GOLIM4: variants seen among roughly 807,000 people sequenced by gnomAD.
The protein encoded by GOLIM4 is golgi integral membrane protein 4.
A neutral mutation model predicts 107.4 loss-of-function variants in GOLIM4; 71 were observed. That is an observed-to-expected ratio of 0.66 (90% confidence interval 0.55 to 0.81). GOLIM4 has a LOEUF of 0.81. Among genes scored for constraint, GOLIM4 ranks in the 30% least tolerant of loss-of-function variants. The probability of loss-of-function intolerance (pLI) is 0.00; values close to 1 mark genes in which losing one functional copy is unlikely to be tolerated. For synonymous variants in GOLIM4, 327 were observed against 294.8 expected, an observed-to-expected ratio of 1.11 and a Z score of -1.12; for missense variants, 830 against 826.1, an observed-to-expected ratio of 1.00 and a Z score of -0.06.
chr3:168,020,759 T>G (rs572020237), intron 14 of GOLIM4, among the ~76,000 whole-genome samples: 10 of 152,334 alleles, frequency 6.6e-5, no homozygotes, highest in Non-Finnish European at 1.3e-4. Context: ...ACATTATTAT[T>G]CTAGTAATAT....
intron 1 of GOLIM4, among the ~76,000 whole-genome samples, chr3:168,052,969 T>C (rs1719738724): frequency 6.6e-6 from 1 of 152,186 alleles, no homozygotes; most frequent in South Asian, 2.1e-4. Context: ...GAATAGGATT[T>C]GAATCCAAGA....
intron 8 of GOLIM4, among the ~76,000 whole-genome samples, chr3:168,034,085 A>G (rs1028741274): frequency 6.6e-6 from 1 of 152,228 alleles, no homozygotes; most frequent in Admixed American, 6.5e-5. Context: ...GAGAAATTGG[A>G]CTGTATTAAT....
chr3:168,065,913 T>C (rs1338245135), intron 1 of GOLIM4, among the ~76,000 whole-genome samples: 1 of 152,228 alleles, frequency 6.6e-6, no homozygotes, highest in Non-Finnish European at 1.5e-5. Flanking sequence ...AAAGAGCTTA[T>C]CAACTGATTT....
chr3:168,027,706 G>A (rs748941813), intron 12 of GOLIM4, 22 bp downstream of exon 12: 13 of 1,369,468 alleles, frequency 9.5e-6, no homozygotes, highest in Admixed American at 3.4e-5. Flanking sequence ...CATGTGTCAG[G>A]GGCAGAAGAG....
intron 1 of GOLIM4, among the ~76,000 whole-genome samples, chr3:168,090,218 G>A (rs111291162): frequency 3.0e-4 from 46 of 151,976 alleles, no homozygotes; most frequent in African/African-American, 1.0e-3. Flanking sequence ...TCTGCACACC[G>A]AAAGAAACAA....
intron 14 of GOLIM4, among the ~76,000 whole-genome samples, chr3:168,011,098 A>T (rs1247907672): frequency 2.6e-5 from 4 of 152,170 alleles, no homozygotes; most frequent in Non-Finnish European, 5.9e-5. Context: ...AGCGACGCAG[A>T]AGACAGTGAT....
At chr3:168,079,872 G>T (rs1249320854) in intron 1 of GOLIM4, among the ~76,000 whole-genome samples, 2 of 151,946 alleles carry the variant, frequency 1.3e-5, no homozygotes, top group Non-Finnish European at 2.9e-5. Flanking sequence ...TGAACATGCT[G>T]AAATTGTTTT....
At chr3:168,035,037 C>CAAAAAAAAAAAAAAAAAAAAAAAAAAA (rs796736692) in intron 8 of GOLIM4, among the ~76,000 whole-genome samples, 1 of 66,582 alleles carries the variant, frequency 1.5e-5, no homozygotes. Context: ...AACAATCATA[C>CAAAAAAAAAAAAAAAAAAAAAAAAAAA]AAAAAAAAAA....
At chr3:168,084,116 T>C (rs889124831) in intron 1 of GOLIM4, among the ~76,000 whole-genome samples, 2 of 152,232 alleles carry the variant, frequency 1.3e-5, no homozygotes, top group South Asian at 4.2e-4. Flanking sequence ...GTTCTCATGA[T>C]AGTGACTGAG....
chr3:168,022,623 A>G lies in GOLIM4; in HGVS notation c.1860+1903T>C, dbSNP rs1044472937. ...GGAAGATGCAAACATTAATCATCTC[A>G]TAACCACACACAAAAATACAACACA... On this transcript the variant is annotated intron_variant, in intron 14 of 15. Transcript: ENST00000470487. Among the ~76,000 whole-genome samples, 7 of 152,144 alleles carry G rather than the reference A, an allele frequency of 4.6e-5. No homozygotes were observed. In the East Asian group the frequency reaches 1.2e-3, roughly 25 times the overall value.
At chr3:168,031,050 A>G (rs973787576) in intron 9 of GOLIM4, among the ~76,000 whole-genome samples, 7 of 152,250 alleles carry the variant, frequency 4.6e-5, no homozygotes, top group Non-Finnish European at 7.3e-5. Flanking sequence ...ACGCAGTGAC[A>G]TGGATGGAAC....
intron 5 of GOLIM4, 142 bp from the exon 6 acceptor site, chr3:168,041,616 A>G (rs1719008527): frequency 1.8e-6 from 1 of 556,386 alleles, no homozygotes; most frequent in Non-Finnish European, 3.1e-6. Context: ...AAATCAACAA[A>G]AATGATATTG....
Position 168,032,729 on chromosome 3 carries a change from GT to G in GOLIM4, c.966del (p.Gln322HisfsTer79). ...AEFQAPPEPI[Q>X]QEVERREPEE... is the part of the protein sequence containing the mutation. ...TCAGGTTCTCTGCGTTCCACTTCTT[GT>G]TGGATTGGCTCTGGGGGAGCCTGAA... On this transcript the variant is annotated frameshift_variant, in exon 9 of 16. Transcript: ENST00000470487. LOFTEE classifies it high-confidence loss of function. 1 of 1,614,060 alleles carries G rather than the reference GT, an allele frequency of 6.2e-7. No homozygotes were observed. The highest frequency in any genetic ancestry group is 2.2e-5 in the East Asian group (1 of 44,882).
At chr3:168,018,997 G>C (rs904973519) in intron 14 of GOLIM4, among the ~76,000 whole-genome samples, 3 of 141,018 alleles carry the variant, frequency 2.1e-5, no homozygotes, top group South Asian at 4.4e-4. Context: ...AAAAAAAAAA[G>C]AAAACAAAAA....
At chr3:168,047,085 T>C in intron 2 of GOLIM4, 86 bp from the exon 3 acceptor site, 1 of 651,610 alleles carries the variant, frequency 1.5e-6, no homozygotes, top group Non-Finnish European at 2.7e-6. Flanking sequence ...ACTTCACTCA[T>C]GCTTACAAAA....
At chr3:168,016,406 G>T (rs1717369058) in intron 14 of GOLIM4, among the ~76,000 whole-genome samples, 1 of 130,902 alleles carries the variant, frequency 7.6e-6, no homozygotes, top group South Asian at 2.1e-4. Context: ...GTGCTGGAGA[G>T]GATGTGGAGA....
chr3:168,010,758 A>G lies in GOLIM4; in HGVS notation c.1926T>C (p.Gly642=), dbSNP rs778251020. 1 of 1,609,348 alleles carries G rather than the reference A, an allele frequency of 6.2e-7. No individual in the cohort carries two copies. The highest frequency in any genetic ancestry group is 8.5e-7 in the Non-Finnish European group (1 of 1,176,126). Reference sequence around the variant, plus strand: ...CCGGTCATACATTTTCATCATTTTCACCATAGGTCTCTTCAGCATTATGCT... The same window carrying G: ...CCGGTCATACATTTTCATCATTTTCGCCATAGGTCTCTTCAGCATTATGCT... ...ELEHNAEETY[G]ENDENTDDKN... Residue 642 remains glycine, a synonymous_variant, in exon 15 of 16, where the codon GGT becomes GGC. Coordinates refer to ENST00000470487, the MANE Select transcript of GOLIM4 (RefSeq NM_014498.5).
rs781315890 is a variant in GOLIM4, at chr3:168,040,766, G to GAGGCTGCT, written c.684+12_684+19dup. 6.5e-7 allele frequency: 1 copy of GAGGCTGCT among 1,530,774 alleles called. No homozygotes were observed. The highest frequency in any genetic ancestry group is 2.3e-5 in the East Asian group (1 of 44,296). The allele number at this position is 1,530,774 out of a possible 1,614,324, so 94.8% of individuals were successfully genotyped here. On this transcript the variant is annotated intron_variant, in intron 7 of 15. Coordinates refer to ENST00000470487, the MANE Select transcript of GOLIM4 (RefSeq NM_014498.5). ...AAGCAGACTTGTAAAAGAACCCACA[G>GAGGCTGCT]AGGCTGCTACCCTTCTAACCTGTGC...
intron 1 of GOLIM4, among the ~76,000 whole-genome samples, chr3:168,062,712 G>A (rs1008032257): frequency 1.3e-5 from 2 of 152,132 alleles, no homozygotes; most frequent in African/African-American, 2.4e-5. Flanking sequence ...CAGGAAAAGG[G>A]GAACCTCACC....
Sources: gnomAD v4.1 joint callset for allele counts (sites outside exome capture counted in the v4.1 genomes callset) on GRCh38, gnomAD v4.1.1 for gene constraint, MANE v1.5 for transcripts, NCBI Gene and HGNC (gene_info 2026-07-23, HGNC 2026-07-21) for gene names.